Variants in KCNH7 observed in about 807,000 individuals in gnomAD.
KCNH7 encodes the protein potassium voltage-gated channel subfamily H member 7, also known as voltage-gated inwardly rectifying potassium channel KCNH7.
Under a neutral mutation model 120.8 loss-of-function variants are expected in KCNH7, and 49 were observed. That is an observed-to-expected ratio of 0.41 (90% CI 0.32 to 0.51). The LOEUF (loss-of-function observed/expected upper bound fraction) is 0.51. Ranked by LOEUF, KCNH7 falls within the 20% of genes least tolerant of loss-of-function variation. The pLI, the probability that KCNH7 is intolerant of heterozygous loss-of-function variation, is 0.38. For missense variants in KCNH7, 1,097 were observed against 1,446.6 expected (o/e 0.76, Z 3.92); for synonymous variants, 547 against 516.1 (o/e 1.06, Z -0.81).
chr2:162,466,793 A>C (rs1378993195), intron 6 of KCNH7, among the ~76,000 whole-genome samples: 2 of 152,204 alleles, frequency 1.3e-5, no homozygotes, highest in Admixed American at 1.3e-4. Context: ...ATTGTCAGTA[A>C]ATTTAAGAAC....
intron 3 of KCNH7, among the ~76,000 whole-genome samples, chr2:162,534,208 A>G (rs1343456490): frequency 1.3e-5 from 2 of 151,500 alleles, no homozygotes; most frequent in Non-Finnish European, 3.0e-5. Context: ...AAAAAACTGA[A>G]AGAATGAAAA....
intron 2 of KCNH7, among the ~76,000 whole-genome samples, chr2:162,717,229 T>G (rs1007512466): frequency 6.6e-6 from 1 of 152,166 alleles, no homozygotes. Context: ...TCATCTTTTA[T>G]GCAACATGTA....
At chr2:162,393,544 A>C (rs1686806809) in intron 12 of KCNH7, among the ~76,000 whole-genome samples, 1 of 151,980 alleles carries the variant, frequency 6.6e-6, no homozygotes. Flanking sequence ...AGGTAGGAGG[A>C]AAATAGGAAG....
intron 2 of KCNH7, among the ~76,000 whole-genome samples, chr2:162,650,419 G>T (rs912876283): frequency 6.6e-6 from 1 of 152,082 alleles, no homozygotes; most frequent in Non-Finnish European, 1.5e-5. Context: ...GGATCCAGTT[G>T]TTCAGGAATA....
At chr2:162,759,326 G>A (rs545131153) in intron 2 of KCNH7, among the ~76,000 whole-genome samples, 48 of 152,156 alleles carry the variant, frequency 3.2e-4, no homozygotes, top group Admixed American at 2.0e-3. Context: ...ACCTAGCCTA[G>A]GGACTAATAG....
At chr2:162,795,976 C>A (rs77896370) in intron 2 of KCNH7, 2 of 152,054 alleles carry the variant, frequency 1.3e-5, no homozygotes, top group East Asian at 3.9e-4. Context: ...AAGATGTCAC[C>A]TTAAAATATA....
chr2:162,441,994 G>GGCT (rs1688428751), intron 7 of KCNH7, among the ~76,000 whole-genome samples: 6 of 46,504 alleles, frequency 1.3e-4, no homozygotes, highest in Non-Finnish European at 2.9e-4. Flanking sequence ...AAATAGTTAG[G>GGCT]TCTTCTTTTT....
At chr2:162,712,043 G>A (rs1686946361) in intron 2 of KCNH7, among the ~76,000 whole-genome samples, 1 of 152,070 alleles carries the variant, frequency 6.6e-6, no homozygotes, top group Non-Finnish European at 1.5e-5. Flanking sequence ...TTCACAACAG[G>A]ACCCAAGTGC....
chr2:162,616,353 T>C lies in KCNH7; in HGVS notation c.308-79273A>G, dbSNP rs375854227. 2.5e-4 allele frequency among the ~76,000 whole-genome samples: 38 copies of C among 152,312 alleles called. No homozygotes were observed. In the South Asian group the frequency reaches 7.0e-3, roughly 28 times the overall value. On this transcript the variant is annotated intron_variant, in intron 2 of 15. Transcript: ENST00000332142. The stretch of plus-strand genomic sequence containing the variant: ...GATGAGACTTGGGAATACTAAATCT[T>C]TTAAGTTAAAGAAAAATAAATCACA...
At chr2:162,757,279 G>C (rs1247701913) in intron 2 of KCNH7, among the ~76,000 whole-genome samples, 1 of 152,118 alleles carries the variant, frequency 6.6e-6, no homozygotes, top group Admixed American at 6.6e-5. Context: ...TGTTAGGCAT[G>C]ATTGAAATAG....
intron 2 of KCNH7, among the ~76,000 whole-genome samples, chr2:162,800,926 T>C (rs1044039297): frequency 6.6e-6 from 1 of 151,828 alleles, no homozygotes; most frequent in African/African-American, 2.4e-5. Context: ...AAACAGACTT[T>C]AAGGTGATGG....
At chr2:162,764,437 C>T (rs1428726380) in intron 2 of KCNH7, among the ~76,000 whole-genome samples, 1 of 152,058 alleles carries the variant, frequency 6.6e-6, no homozygotes, top group African/African-American at 2.4e-5. Flanking sequence ...TCCCAATTAT[C>T]TAAATATTGT....
intron 4 of KCNH7, among the ~76,000 whole-genome samples, chr2:162,514,189 C>T (rs59046001): frequency 0.079 from 12,054 of 151,788 alleles, 513 homozygotes; most frequent in East Asian, 0.11. Context: ...TATTGAATTG[C>T]TCGTAGACAT....
intron 2 of KCNH7, among the ~76,000 whole-genome samples, chr2:162,561,012 G>C (rs186492097): frequency 3.3e-5 from 5 of 151,676 alleles, no homozygotes; most frequent in East Asian, 1.9e-4. Context: ...AACTATAGTA[G>C]TTAGACAGCT....
At position 162,391,748 on chromosome 2, in the gene KCNH7, AG is replaced by A. The variant is rs140684208; in HGVS notation, c.2710+2640del. 6.7e-3 allele frequency among the ~76,000 whole-genome samples: 1,019 copies of A among 152,182 alleles called. 8 individuals carry two copies. Among genetic ancestry groups the A allele is most frequent in the African/African-American group, 0.024 (979 of 41,546 alleles). On this transcript the variant is annotated intron_variant, in intron 12 of 15. Coordinates refer to ENST00000332142, the MANE Select transcript of KCNH7 (RefSeq NM_033272.4). ...AATGAGGAAACTGAACAAGATTGAAAGGAGATTTAATAAATCTTCAACTATG... is the reference window on the plus strand; with the variant it reads ...AATGAGGAAACTGAACAAGATTGAAAGAGATTTAATAAATCTTCAACTATG...
At position 162,400,176 on chromosome 2, in the gene KCNH7, C is replaced by A; in HGVS notation, c.2407+13G>T. ...TAACTGAATCTGTCACCATGCACTT[C>A]TAAAACACTCACCCAGAATAGCCAC... On this transcript the variant is annotated intron_variant, in intron 10 of 15. Transcript: ENST00000332142. 1 of 1,611,170 alleles carries A rather than the reference C, an allele frequency of 6.2e-7. No homozygotes were observed. The highest frequency in any genetic ancestry group is 8.5e-7 in the Non-Finnish European group (1 of 1,178,186).
chr2:162,694,992 C>T lies in KCNH7; in HGVS notation c.307+141545G>A, dbSNP rs141307344. On this transcript the variant is annotated intron_variant, in intron 2 of 15. Coordinates refer to ENST00000332142, the MANE Select transcript of KCNH7 (RefSeq NM_033272.4). ...TCCTGACATAGTGATCCACCCGCCT[C>T]GGCCTCCCAACCTGCTGTGATTACA... Among the ~76,000 whole-genome samples, 706 of 152,216 alleles carry T rather than the reference C, an allele frequency of 4.6e-3. 6 individuals are homozygous for T. Among genetic ancestry groups the T allele is most frequent in the African/African-American group, 0.016 (675 of 41,546 alleles).
intron 2 of KCNH7, among the ~76,000 whole-genome samples, chr2:162,719,789 A>T (rs964116048): frequency 7.2e-5 from 11 of 152,042 alleles, no homozygotes; most frequent in African/African-American, 2.7e-4. Context: ...CAAATAAACA[A>T]AATAACCTCT....
intron 4 of KCNH7, among the ~76,000 whole-genome samples, chr2:162,513,278 C>T (rs1691151051): frequency 2.1e-5 from 3 of 144,194 alleles, no homozygotes; most frequent in East Asian, 2.2e-4. Context: ...TCCCTCCTTC[C>T]CTCCTTCCCT....
Sources: allele counts gnomAD v4.1 joint callset (sites outside exome capture counted in the v4.1 genomes callset), GRCh38; gene constraint gnomAD v4.1.1; transcripts MANE v1.5; gene names NCBI Gene and HGNC (gene_info 2026-07-23, HGNC 2026-07-21).